SOX6: variants seen among roughly 807,000 people sequenced by gnomAD.
SOX6 encodes the protein transcription factor SOX-6.
A neutral mutation model predicts 97.8 loss-of-function variants in SOX6; 11 were observed. The ratio of observed to expected loss-of-function variants is 0.11; its 90% CI spans 0.07 to 0.19. The LOEUF is 0.19. SOX6 is among the 10% of genes least tolerant of loss of function. The probability of loss-of-function intolerance (pLI) is 1.00; values close to 1 mark genes in which losing one functional copy is unlikely to be tolerated. For synonymous variants in SOX6, 360 were observed against 371.4 expected, an observed-to-expected ratio of 0.97 and a Z score of 0.35; for missense variants, 810 against 1,039.5, an observed-to-expected ratio of 0.78 and a Z score of 3.04.
intron 15 of SOX6, among the ~76,000 whole-genome samples, chr11:15,980,901 T>A (rs1251447025): frequency 6.6e-6 from 1 of 152,038 alleles, no homozygotes; most frequent in Non-Finnish European, 1.5e-5. Flanking sequence ...GACACTATTA[T>A]ATGCTAATCT....
chr11:16,401,555 T>C (rs910124173), intron 1 of SOX6, among the ~76,000 whole-genome samples: 4 of 151,550 alleles, frequency 2.6e-5, no homozygotes, highest in Non-Finnish European at 5.9e-5. Context: ...CAAATGGCAG[T>C]GGTCTACCTC....
At chr11:16,170,240 A>T (rs2134082582) in intron 6 of SOX6, among the ~76,000 whole-genome samples, 1 of 152,158 alleles carries the variant, frequency 6.6e-6, no homozygotes, top group South Asian at 2.1e-4. Flanking sequence ...ATGTGTATAA[A>T]ACCTTTACAG....
In SOX6 at chr11:16,539,276, A is replaced by T. The variant is rs1251272612; in HGVS notation, n.610-62888T>A. Among the ~76,000 whole-genome samples the T allele has an allele frequency of 3.9e-5, 6 of 152,210 alleles. No homozygotes were observed. The South Asian group carries it at 1.0e-3, about 26-fold the overall frequency. ...AAGATGTCCTTTGAAACCAATGAGA[A>T]CAAAGACACAACATACCAGAATCTC... On this transcript the variant is annotated intron_variant and non_coding_transcript_variant, in intron 4 of 5. Transcript: ENST00000524520.
chr11:16,612,758 T>C (rs937507593), intron 3 of SOX6, among the ~76,000 whole-genome samples: 1 of 151,896 alleles, frequency 6.6e-6, no homozygotes, highest in Non-Finnish European at 1.5e-5. Context: ...CCCTCCTCCA[T>C]TCCCCTCTAA....
chr11:16,538,916 C>T lies in SOX6; in HGVS notation n.610-62528G>A, dbSNP rs187979896. ...CCACTGTCAATATTAGACAGATCAACGAGACAGAAGGTTAACAAGGATATC... is the reference window on the plus strand; with the variant it reads ...CCACTGTCAATATTAGACAGATCAATGAGACAGAAGGTTAACAAGGATATC... On this transcript the variant is annotated intron_variant and non_coding_transcript_variant, in intron 4 of 5. Coordinates refer to the SOX6 transcript ENST00000524520. 7.7e-3 allele frequency among the ~76,000 whole-genome samples: 1,177 copies of T among 152,166 alleles called. 14 individuals carry two copies. The highest frequency in any genetic ancestry group is 0.027 in the African/African-American group (1,104 of 41,488).
intron 9 of SOX6, among the ~76,000 whole-genome samples, chr11:16,085,716 T>C (rs1346540495): frequency 6.6e-6 from 1 of 152,198 alleles, no homozygotes; most frequent in Non-Finnish European, 1.5e-5. Flanking sequence ...TAAATGACCA[T>C]AATCTGTTTA....
chr11:16,403,005 T>A, intron 1 of SOX6: 1 of 539,194 alleles, frequency 1.9e-6, no homozygotes, highest in Non-Finnish European at 3.3e-6. Context: ...TTGGAGTTAC[T>A]AAGGCAACTG....
intron 4 of SOX6, among the ~76,000 whole-genome samples, chr11:16,223,296 G>A (rs531658552): frequency 6.6e-6 from 1 of 152,006 alleles, no homozygotes; most frequent in Non-Finnish European, 1.5e-5. Context: ...GTCCTCGGAG[G>A]CATTTTCATT....
At chr11:16,259,593 A>G (rs1023051354) in intron 3 of SOX6, among the ~76,000 whole-genome samples, 4 of 152,212 alleles carry the variant, frequency 2.6e-5, no homozygotes, top group Non-Finnish European at 5.9e-5. Flanking sequence ...ATAGAACAAA[A>G]TAGAACAAAT....
At chr11:16,019,481 G>C (rs971380262) in intron 12 of SOX6, among the ~76,000 whole-genome samples, 2 of 151,986 alleles carry the variant, frequency 1.3e-5, no homozygotes, top group Non-Finnish European at 2.9e-5. Context: ...ATTATCTCAT[G>C]TTATTTTTAT....
chr11:16,306,626 T>TTTTTTTTTTTTG (rs1565081674), intron 3 of SOX6, among the ~76,000 whole-genome samples: 3 of 131,730 alleles, frequency 2.3e-5, no homozygotes, highest in South Asian at 2.8e-4. Flanking sequence ...TTTTTTTTTT[T>TTTTTTTTTTTTG]CTTTTTTTTT....
rs536466970 is a variant in SOX6 at position 16,098,598 on chromosome 11, T to C, written c.899-910A>G. Among the ~76,000 whole-genome samples, 68 of 151,872 alleles carry C rather than the reference T, an allele frequency of 4.5e-4. 1 individual carries two copies. The highest frequency in any genetic ancestry group is 4.1e-3 in the Admixed American group (63 of 15,198). ...ATGACAGAGGTAACTGAAATAAAAA[T>C]TAGTATGTGTGGATAAATTTCACAA... On this transcript the variant is annotated intron_variant, in intron 7 of 15. Coordinates refer to ENST00000683767, the MANE Select transcript of SOX6 (RefSeq NM_001367873.1).
intron 6 of SOX6, among the ~76,000 whole-genome samples, chr11:16,149,235 T>C (rs1195793943): frequency 6.6e-6 from 1 of 152,116 alleles, no homozygotes; most frequent in African/African-American, 2.4e-5. Flanking sequence ...TCAAGGGCAG[T>C]TATTTTATGT....
intron 1 of SOX6, among the ~76,000 whole-genome samples, chr11:16,384,520 CT>C (rs140105120): frequency 0.012 from 1,828 of 151,772 alleles, 36 homozygotes; most frequent in African/African-American, 0.042. Flanking sequence ...CAACACAAAG[CT>C]TATAACAAAA....
chr11:16,628,078 A>C (rs1375626476), intron 3 of SOX6, among the ~76,000 whole-genome samples: 2 of 152,078 alleles, frequency 1.3e-5, no homozygotes, highest in Non-Finnish European at 2.9e-5. Flanking sequence ...TATTTTTGTC[A>C]ATTTTGTCAA....
At chr11:16,464,883 CAG>C (rs1412304181) in intron 1 of SOX6, among the ~76,000 whole-genome samples, 5 of 152,096 alleles carry the variant, frequency 3.3e-5, no homozygotes, top group Admixed American at 6.6e-5. Context: ...TTACATAAAT[CAG>C]GGGGGAAAAA....
intron 1 of SOX6, among the ~76,000 whole-genome samples, chr11:16,452,780 G>T (rs562263684): frequency 6.6e-6 from 1 of 152,260 alleles, no homozygotes; most frequent in African/African-American, 2.4e-5. Context: ...ATAACTGTTA[G>T]CTCAGTGTAA....
chr11:16,167,574 G>A (rs191337134), intron 6 of SOX6, among the ~76,000 whole-genome samples: 125 of 151,928 alleles, frequency 8.2e-4, no homozygotes, highest in Admixed American at 3.1e-3. Flanking sequence ...TTTCTCTTTC[G>A]TTCACTCACT....
intron 4 of SOX6, among the ~76,000 whole-genome samples, chr11:16,509,062 A>G (rs1240258321): frequency 6.6e-6 from 1 of 152,094 alleles, no homozygotes; most frequent in Non-Finnish European, 1.5e-5. Flanking sequence ...GCTTCCAGGG[A>G]GAGAACCTGA....
Sources: gnomAD v4.1 joint callset for allele counts (sites outside exome capture counted in the v4.1 genomes callset) on GRCh38, gnomAD v4.1.1 for gene constraint, MANE v1.5 for transcripts, NCBI Gene and HGNC (gene_info 2026-07-23, HGNC 2026-07-21) for gene names.